The following C4orf50 variants were observed in gnomAD, a reference collection of about 807,000 sequenced individuals.
The protein encoded by C4orf50 is uncharacterized protein C4orf50.
A neutral mutation model predicts 77.2 loss-of-function variants in C4orf50; 80 were observed. The ratio of observed to expected loss-of-function variants is 1.04; its 90% CI spans 0.87 to 1.25. C4orf50 has a LOEUF of 1.25. C4orf50 is among the 50% of genes most tolerant of loss of function. C4orf50 has a pLI of 0.00. For missense variants in C4orf50, 1,257 were observed against 1,152.9 expected, an observed-to-expected ratio of 1.09 and a Z score of -1.31; for synonymous variants, 532 against 465.3, an observed-to-expected ratio of 1.14 and a Z score of -1.84.
chr4:5,955,991 G>T (rs1718940603), downstream of C4orf50, among the ~76,000 whole-genome samples: 1 of 152,160 alleles, frequency 6.6e-6, no homozygotes, highest in Non-Finnish European at 1.5e-5. This position sits in a 1 kb window ranked among gnomAD's most constrained non-coding sequence, Gnocchi z 5.1. Flanking sequence ...CCAACAAAAT[G>T]ACAAATGTTA....
intron 7 of C4orf50, among the ~76,000 whole-genome samples, chr4:5,941,603 AG>A (rs1213510985): frequency 6.6e-6 from 1 of 152,222 alleles, no homozygotes; most frequent in African/African-American, 2.4e-5. Context: ...ATACTTTTCT[AG>A]AAATTAAGGG....
intron 25 of C4orf50, among the ~76,000 whole-genome samples, chr4:5,997,185 T>C (rs7694842): frequency 0.19 from 28,406 of 152,092 alleles, 2,862 homozygotes; most frequent in African/African-American, 0.23. Context: ...GACCACTCCG[T>C]AGCGCAGAAG....
At chr4:5,950,125 A>G (rs528261299) in intron 7 of C4orf50, among the ~76,000 whole-genome samples, 92 of 152,320 alleles carry the variant, frequency 6.0e-4, no homozygotes, top group Non-Finnish European at 1.1e-3. Flanking sequence ...GCACCAACCT[A>G]TACGTTCTGT....
chr4:5,935,784 TAAAAAAAAAAAAA>T (rs769910855), intron 7 of C4orf50, among the ~76,000 whole-genome samples: 2 of 31,478 alleles, frequency 6.4e-5, no homozygotes, highest in East Asian at 1.1e-3. Context: ...AGACTCCGTC[TAAAAAAAAAAAAA>T]AAAAAAAAAA....
rs898772602 is a variant in C4orf50, at chr4:6,009,740, C to T, written c.427-1208G>A. Among the ~76,000 whole-genome samples the T allele has an allele frequency of 1.3e-5, 2 of 152,146 alleles. No individual in the cohort carries two copies. The highest frequency in any genetic ancestry group is 4.8e-5 in the African/African-American group (2 of 41,436). ...ACAGGTGCAAAGGGCATGGAAAACT[C>T]GCTCAAGCACTCCTGCAAAACTCGC... On this transcript the variant is annotated intron_variant, in intron 24 of 33. Transcript: ENST00000531445. The surrounding 1 kb of genome is among the most constrained non-coding windows in gnomAD (Gnocchi z 5.6).
At position 5,906,093 on chromosome 4, in the gene C4orf50, C is replaced by T. The variant is rs969647874; in HGVS notation, c.*2475-7905G>A. ...GGGTGTCAGAGGAGGAGCCTTCAGC[C>T]AGTGCAAAAGCCCTGGAGAGAGAGG... On this transcript the variant is annotated intron_variant, in intron 7 of 7. Transcript: ENST00000324058. Among the ~76,000 whole-genome samples the T allele has an allele frequency of 4.9e-4, 75 of 152,006 alleles. 1 individual carries two copies. The highest frequency in any genetic ancestry group is 1.5e-4 in the Non-Finnish European group (10 of 68,006).
Position 6,018,254 on chromosome 4 carries a change from G to A in C4orf50, c.178C>T (p.Arg60Cys), listed in dbSNP as rs759099200. ...AGCGCACCCATATCCATGTCTGGGC[G>A]GCCAGCTGCTTCTTCCTGAAGACAT... Residue 60 changes from arginine to cysteine, a missense_variant, in exon 23 of 34, where the codon CGC becomes TGC. By Grantham distance (180) the Arg-to-Cys change is radical (BLOSUM62 -3). Transcript: ENST00000531445. This position sits in a 1 kb window ranked among gnomAD's most constrained non-coding sequence, Gnocchi z 5.1. 24 of 398,864 alleles carry A rather than the reference G, an allele frequency of 6.0e-5. No homozygotes were observed. The highest frequency in any genetic ancestry group is 8.4e-5 in the Non-Finnish European group (19 of 226,098). 24.7% of individuals were successfully genotyped at this position (398,864 alleles called of 1,614,324 possible). A position where few individuals can be genotyped will look rare whatever the true frequency, so the allele number is the denominator to read the frequency against.
At chr4:5,909,752 T>C (rs949837947) in intron 7 of C4orf50, among the ~76,000 whole-genome samples, 7 of 152,232 alleles carry the variant, frequency 4.6e-5, no homozygotes, top group Non-Finnish European at 8.8e-5. Context: ...GCACCATTTA[T>C]TGAAGGGAAT....
chr4:6,002,161 G>C (rs1721857707), intron 25 of C4orf50, among the ~76,000 whole-genome samples: 1 of 152,198 alleles, frequency 6.6e-6, no homozygotes. Flanking sequence ...TAAAGATCTG[G>C]TGTCCAGATA....
downstream of C4orf50, among the ~76,000 whole-genome samples, chr4:5,955,167 G>C (rs1037772292): frequency 6.6e-6 from 1 of 152,186 alleles, no homozygotes; most frequent in Non-Finnish European, 1.5e-5. This position sits in a 1 kb window ranked among gnomAD's most constrained non-coding sequence, Gnocchi z 5.1. Context: ...TGGAGATAAA[G>C]CAGTGGCGGC....
chr4:5,899,355 G>C (rs1218829625), intron 7 of C4orf50: 1 of 152,230 alleles, frequency 6.6e-6, no homozygotes, highest in African/African-American at 2.4e-5. Context: ...TTCATTTAGT[G>C]TGTCATTTAC....
intron 7 of C4orf50, among the ~76,000 whole-genome samples, chr4:5,918,272 C>T (rs1717117595): frequency 6.6e-6 from 1 of 152,214 alleles, no homozygotes; most frequent in Admixed American, 6.5e-5. Context: ...CAATTCACAC[C>T]TCACGTCCCA....
chr4:5,944,863 A>C (rs1718415831), intron 7 of C4orf50, among the ~76,000 whole-genome samples: 1 of 152,030 alleles, frequency 6.6e-6, no homozygotes, highest in South Asian at 2.1e-4. Flanking sequence ...CAGAGAGGAG[A>C]GGACTAACAC....
At chr4:5,902,786 G>A (rs1001622239) in intron 7 of C4orf50, 4 of 152,082 alleles carry the variant, frequency 2.6e-5, no homozygotes, top group Non-Finnish European at 5.9e-5. Context: ...AATACTTCAC[G>A]AGGCTGCAAT....
At chr4:6,010,322 A>G (rs1232881378) in intron 24 of C4orf50, among the ~76,000 whole-genome samples, 3 of 152,156 alleles carry the variant, frequency 2.0e-5, no homozygotes, top group African/African-American at 7.2e-5. Flanking sequence ...TATAAAGGGG[A>G]AAAAAATTCC....
intron 7 of C4orf50, chr4:5,902,235 A>C (rs1716371124): frequency 2.0e-5 from 3 of 152,190 alleles, no homozygotes; most frequent in Non-Finnish European, 4.4e-5. Context: ...AAGGCAAGGA[A>C]AGGAATTAGA....
At chr4:5,898,484 G>A in intron 7 of C4orf50, 1 of 152,242 alleles carries the variant, frequency 6.6e-6, no homozygotes, top group East Asian at 1.9e-4. Context: ...GGTTAAGAGA[G>A]GTAGGTACCC....
Position 5,934,938 on chromosome 4 carries a change from G to T in C4orf50, c.*2474+21963C>A, listed in dbSNP as rs1289131588. Among the ~76,000 whole-genome samples the T allele has an allele frequency of 2.0e-5, 3 of 152,178 alleles. No individual in the cohort carries two copies. The East Asian group carries it at 5.8e-4, about 29-fold the overall frequency. On this transcript the variant is annotated intron_variant, in intron 7 of 7. Transcript: ENST00000324058. The stretch of plus-strand genomic sequence containing the variant: ...ATCCCAGCTCCCTACACTTCTGGCT[G>T]GGTGACCCCAAGCAAGTTACTTAGC...
intron 33 of C4orf50, among the ~76,000 whole-genome samples, chr4:5,960,885 T>A (rs1178352380): frequency 6.6e-6 from 1 of 152,168 alleles, no homozygotes; most frequent in Non-Finnish European, 1.5e-5. Context: ...GCCTGGCTCA[T>A]GCCTGTAATC....
Sources: gnomAD v4.1 joint callset for allele counts (sites outside exome capture counted in the v4.1 genomes callset) on GRCh38, gnomAD v4.1.1 for gene constraint, Gnocchi (gnomAD v3.1) non-coding constraint, MANE v1.5 for transcripts, NCBI Gene and HGNC (gene_info 2026-07-23, HGNC 2026-07-21) for gene names.